Variants in GRTP1 observed in about 807,000 individuals in gnomAD.
The protein encoded by GRTP1 is growth hormone-regulated TBC protein 1.
GRTP1 carries 56 observed loss-of-function variants against 38.1 expected under a neutral mutation model. That is an observed-to-expected ratio of 1.47 (90% CI 1.19 to 1.84). GRTP1 has a LOEUF of 1.84. Ranked by LOEUF, GRTP1 falls within the 40% of genes most tolerant of loss-of-function variation. The pLI is 0.00. For synonymous variants in GRTP1, 217 were observed against 189.5 expected, an observed-to-expected ratio of 1.14 and a Z score of -1.19; for missense variants, 506 against 453.9, an observed-to-expected ratio of 1.11 and a Z score of -1.04.
chr13:113,333,837 TAG>T (rs1491205920), intron 5 of GRTP1, among the ~76,000 whole-genome samples: 2 of 76,488 alleles, frequency 2.6e-5, no homozygotes, highest in African/African-American at 1.1e-4. Flanking sequence ...TTTATTTATT[TAG>T]TGTGTGTGTG....
At chr13:113,335,484 T>C (rs2042942844) in intron 5 of GRTP1, among the ~76,000 whole-genome samples, 1 of 152,280 alleles carries the variant, frequency 6.6e-6, no homozygotes, top group Non-Finnish European at 1.5e-5. Flanking sequence ...TTTCTTTGTG[T>C]TGGGAACATT....
chr13:113,329,484 G>T (rs2042825726), intron 5 of GRTP1, among the ~76,000 whole-genome samples: 1 of 152,154 alleles, frequency 6.6e-6, no homozygotes, highest in African/African-American at 2.4e-5. Context: ...TACTCAGGAG[G>T]CTGAGCAGGA....
intron 2 of GRTP1, among the ~76,000 whole-genome samples, chr13:113,359,279 A>G (rs906292262): frequency 6.6e-6 from 1 of 152,236 alleles, no homozygotes; most frequent in Non-Finnish European, 1.5e-5. Flanking sequence ...GACTGTGGTG[A>G]TGACTGCCTA....
intron 5 of GRTP1, among the ~76,000 whole-genome samples, chr13:113,326,584 T>G (rs930253595): frequency 2.6e-5 from 4 of 151,916 alleles, no homozygotes; most frequent in Non-Finnish European, 4.4e-5. Flanking sequence ...GGCAGGAGAA[T>G]CGCTTGAACC....
At position 113,363,777 on chromosome 13, in the gene GRTP1, G is replaced by A. The variant is rs760865051; in HGVS notation, c.166C>T (p.Pro56Ser). 6.3e-7 allele frequency: 1 copy of A among 1,590,614 alleles called. No individual in the cohort carries two copies. Among genetic ancestry groups the A allele is most frequent in the Admixed American group, 1.7e-5 (1 of 58,562 alleles). ...WSRLLQGGGV[P>S]RSRTVKRYVR... ...CGGGACCCACCTGTCCGGCTCCTGG[G>A]GACGCCCCCGCCCTGCAGCAGCCGG... The change falls in exon 2 of 8, where the codon CCC becomes TCC. Residue 56 changes from proline to serine, a missense_variant. Physicochemically the swap from Pro to Ser is moderately conservative, Grantham distance 74. Transcript: ENST00000375431.
In GRTP1 at chr13:113,325,709, C is replaced by G; in HGVS notation, c.873G>C (p.Lys291Asn). 1 of 1,614,230 alleles carries G rather than the reference C, an allele frequency of 6.2e-7. No individual in the cohort carries two copies. The highest frequency in any genetic ancestry group is 1.6e-4 in the Middle Eastern group (1 of 6,062). The change falls in exon 7 of 8, where the codon AAG becomes AAC. Residue 291 changes from lysine (K) to asparagine (N), a missense_variant. Lys to Asn is a moderately conservative substitution (Grantham distance 94). Coordinates refer to ENST00000375431, the MANE Select transcript of GRTP1 (RefSeq NM_024719.4). ...TCACGAAACTCCCTTTGGTTATCTGCTTAAACTTATCGCAAATGTCTGGAA... is the reference window on the plus strand; with the variant it reads ...TCACGAAACTCCCTTTGGTTATCTGGTTAAACTTATCGCAAATGTCTGGAA... Reference protein sequence around the residue: ...TSVPDICDKFKQITKGSFVME... With the variant: ...TSVPDICDKFNQITKGSFVME...
At chr13:113,328,643 C>T (rs1041614295) in intron 5 of GRTP1, among the ~76,000 whole-genome samples, 3 of 152,244 alleles carry the variant, frequency 2.0e-5, no homozygotes, top group Non-Finnish European at 4.4e-5. Context: ...CCTCAGCCTC[C>T]TGCGTAGCTG....
Position 113,364,044 on chromosome 13 carries a change from G to T in GRTP1, c.8C>A (p.Pro3His), listed in dbSNP as rs2043553486. The T allele has an allele frequency of 7.0e-6, 9 of 1,289,722 alleles. No individual in the cohort carries two copies. Among genetic ancestry groups the T allele is most frequent in the Non-Finnish European group, 8.8e-6 (9 of 1,024,038 alleles). 79.9% of individuals were successfully genotyped at this position (1,289,722 alleles called of 1,614,324 possible). Residue 3 changes from proline to histidine, a missense_variant, in exon 1 of 8, where the codon CCC (proline) becomes CAC (histidine). Transcript: ENST00000375431. The stretch of plus-strand genomic sequence containing the variant: ...CCTGGGGACCCGCGAGCGCTCGGCG[G>T]GCTGCATGCGGGGAGGGAGGCGCGC... MQ[P>H]AERSRVPRID...
intron 4 of GRTP1, among the ~76,000 whole-genome samples, chr13:113,347,293 T>TGA (rs1351798068): frequency 2.6e-4 from 8 of 30,736 alleles, no homozygotes; most frequent in African/African-American, 4.2e-4. Flanking sequence ...CCTCTGTGGC[T>TGA]GAGCGGATCT....
At chr13:113,345,004 C>G (rs1348815455) in intron 4 of GRTP1, 45 bp from the exon 5 acceptor site, 1 of 1,567,996 alleles carries the variant, frequency 6.4e-7, no homozygotes, top group African/African-American at 1.4e-5. Flanking sequence ...GAGTTTTAAG[C>G]CCCCATTTGA....
chr13:113,357,441 CAAA>C (rs368660991), intron 2 of GRTP1, among the ~76,000 whole-genome samples: 1 of 97,696 alleles, frequency 1.0e-5, no homozygotes, highest in African/African-American at 4.2e-5. Flanking sequence ...GACACTGCCT[CAAA>C]AAAAAAAAAA....
Position 113,329,609 on chromosome 13 carries a change from T to C in GRTP1, c.563-3518A>G, listed in dbSNP as rs78239415. 5.3e-3 allele frequency among the ~76,000 whole-genome samples: 812 copies of C among 151,916 alleles called. 3 individuals are homozygous for C. Among genetic ancestry groups the C allele is most frequent in the African/African-American group, 0.019 (785 of 41,484 alleles). On this transcript the variant is annotated intron_variant, in intron 5 of 7. Transcript: ENST00000375431. ...AAAAAATAAAAAATAAAAATAAAAATAAATTACTGCAAGATGTGTGGAAAT... is the reference window on the plus strand; with the variant it reads ...AAAAAATAAAAAATAAAAATAAAAACAAATTACTGCAAGATGTGTGGAAAT...
chr13:113,333,773 G>A (rs557764907), intron 5 of GRTP1, among the ~76,000 whole-genome samples: 1 of 151,890 alleles, frequency 6.6e-6, no homozygotes, highest in African/African-American at 2.4e-5. Context: ...TTACAGGCGA[G>A]AGCCACCACG....
At chr13:113,329,549 A>G (rs1163160563) in intron 5 of GRTP1, among the ~76,000 whole-genome samples, 1 of 152,206 alleles carries the variant, frequency 6.6e-6, no homozygotes, top group African/African-American at 2.4e-5. Flanking sequence ...GTGCCACTGC[A>G]CTCCAGCCTG....
chr13:113,360,054 G>A (rs769876764), intron 2 of GRTP1: 8 of 152,092 alleles, frequency 5.3e-5, no homozygotes, highest in African/African-American at 1.7e-4. Flanking sequence ...CCAGTTTTTC[G>A]GTGTATCTTT....
In GRTP1 at chr13:113,336,587, G is replaced by A. The variant is rs757610074; in HGVS notation, c.562+8276C>T. 9.6e-4 allele frequency among the ~76,000 whole-genome samples: 137 copies of A among 143,054 alleles called. 1 individual carries two copies. The highest frequency in any genetic ancestry group is 1.1e-3 in the Non-Finnish European group (71 of 65,680). The allele number at this position is 143,054 out of a possible 152,430, so 93.8% of individuals were successfully genotyped here. ...AGGGGGGCTGGCTTCAGAGCCACCC[G>A]CTGGGGTGGCCCTGCCTACACCTAC... On this transcript the variant is annotated intron_variant, in intron 5 of 7. Transcript: ENST00000375431.
intron 5 of GRTP1, among the ~76,000 whole-genome samples, chr13:113,328,933 A>T (rs2042815595): frequency 1.3e-5 from 2 of 149,524 alleles, no homozygotes; most frequent in South Asian, 2.1e-4. Context: ...AGCCTGATGC[A>T]TCTCAAACCT....
rs145476472 is a variant in GRTP1, at chr13:113,330,458, G to A, written c.563-4367C>T. On this transcript the variant is annotated intron_variant, in intron 5 of 7. Transcript: ENST00000375431. ...CGGGTGTGTGCATGGGAGCCCGGGT[G>A]TGTGCATAAAAACCCAGGTGTGTGC... Among the ~76,000 whole-genome samples, 409 of 137,290 alleles carry A rather than the reference G, an allele frequency of 3.0e-3. 5 individuals are homozygous for A. Among genetic ancestry groups the A allele is most frequent in the South Asian group, 0.012 (49 of 4,060 alleles). 90.1% of individuals were successfully genotyped at this position (137,290 alleles called of 152,430 possible).
chr13:113,336,136 G>C (rs2042951005), intron 5 of GRTP1, among the ~76,000 whole-genome samples: 1 of 152,082 alleles, frequency 6.6e-6, no homozygotes, highest in South Asian at 2.1e-4. Flanking sequence ...TGCTGAGTGT[G>C]TGCACCCCAC....
Sources: allele counts gnomAD v4.1 joint callset (sites outside exome capture counted in the v4.1 genomes callset), GRCh38; gene constraint gnomAD v4.1.1; transcripts MANE v1.5; gene names NCBI Gene and HGNC (gene_info 2026-07-23, HGNC 2026-07-21).